FAAP100: variants seen among roughly 807,000 people sequenced by gnomAD.
FAAP100 encodes the protein Fanconi anemia core complex-associated protein 100.
Under a neutral mutation model 65.8 loss-of-function variants are expected in FAAP100, and 46 were observed. The ratio of observed to expected loss-of-function variants is 0.70; its 90% confidence interval spans 0.55 to 0.89. The LOEUF (loss-of-function observed/expected upper bound fraction) is 0.89, where lower values mean the gene tolerates loss of function less well. Ranked by LOEUF, FAAP100 falls within the 40% of genes least tolerant of loss-of-function variation. The pLI is 0.00. For missense variants in FAAP100, 1,165 were observed against 1,196.7 expected, an observed-to-expected ratio of 0.97 and a Z score of 0.39; for synonymous variants, 663 against 555.1, an observed-to-expected ratio of 1.19 and a Z score of -2.73.
At position 81,544,056 on chromosome 17, in the gene FAAP100, G is replaced by A; in HGVS notation, c.2375C>T (p.Ser792Phe). 1 of 1,612,718 alleles carries A rather than the reference G, an allele frequency of 6.2e-7. No homozygotes were observed. Among genetic ancestry groups the A allele is most frequent in the Non-Finnish European group, 8.5e-7 (1 of 1,179,844 alleles). Residue 792 changes from serine to phenylalanine, a missense_variant, in exon 7 of 9, where the codon TCC (serine) becomes TTC (phenylalanine). By Grantham distance (155) the Ser-to-Phe change is radical. Transcript: ENST00000327787. The stretch of plus-strand genomic sequence containing the variant: ...CGCCCTGCAAATGTCGGCCAGAGAG[G>A]AGCTTTCCACTTGAATCTCCACGGC... ...IQAVEIQVES[S>F]SLADICRAHH...
chr17:81,550,785 G>A lies in FAAP100; in HGVS notation c.709C>T (p.Gln237Ter). The change falls in exon 3 of 9, where the codon CAG (glutamine) becomes TAG (stop). Residue 237 changes from glutamine to a stop codon, truncating the protein, a stop_gained. Transcript: ENST00000327787. LOFTEE classifies it high-confidence loss of function. ...AGACCACAGAGGACCACAGGTGACT[G>A]CAGGAGGGTGGCATCAGCTCCAAAG... ...LLFGADATLLQSPVVLCGLPD... is the reference protein window; with the variant it reads ...LLFGADATLL 1 of 1,612,766 alleles carries A rather than the reference G, an allele frequency of 6.2e-7. No individual in the cohort carries two copies. The highest frequency in any genetic ancestry group is 8.5e-7 in the Non-Finnish European group (1 of 1,179,874).
At position 81,550,539 on chromosome 17, in the gene FAAP100, C is replaced by A; in HGVS notation, c.955G>T (p.Gly319Cys). Reference sequence around the variant, plus strand: ...CTGGCCTTGATGGCCAGCATCCGGCCGTGGTGACCAAAGGCCACCAGGCAG... The same window carrying A: ...CTGGCCTTGATGGCCAGCATCCGGCAGTGGTGACCAAAGGCCACCAGGCAG... ...CDCLVAFGHHGRMLAIKASWD... is the reference protein window; with the variant it reads ...CDCLVAFGHHCRMLAIKASWD... Residue 319 changes from glycine (G) to cysteine (C), a missense_variant, in exon 3 of 9, where the codon GGC becomes TGC. Gly to Cys is a radical substitution (Grantham distance 159, BLOSUM62 -3). Transcript: ENST00000327787. 1.9e-6 allele frequency: 3 copies of A among 1,612,890 alleles called. No individual in the cohort carries two copies. The highest frequency in any genetic ancestry group is 1.7e-6 in the Non-Finnish European group (2 of 1,180,028).
chr17:81,552,415 C>A (rs2033532304), upstream of FAAP100: 9 of 1,197,404 alleles, frequency 7.5e-6, no homozygotes, highest in Non-Finnish European at 9.5e-6. Context: ...GCCCGCTGTG[C>A]GGCGCGACCT....
chr17:81,552,108 T>C (rs958526473), intron 1 of FAAP100, 56 bp from the exon 2 acceptor site: 367 of 1,462,180 alleles, frequency 2.5e-4, no homozygotes, highest in Middle Eastern at 3.6e-4. Flanking sequence ...CGGTCTTCAT[T>C]TTCACGCGAA....
chr17:81,547,489 G>C lies in FAAP100; in HGVS notation c.1593C>G (p.Asn531Lys). The stretch of plus-strand genomic sequence containing the variant: ...CCTGGTCCAGGCTGAAGCTGCTGCT[G>C]TTCTCTAGCACGCAGGTGGCCATGA... The part of the protein sequence containing the change: ...DVLMATCVLE[N>K]SSSFSLDQGW... Residue 531 changes from asparagine (N) to lysine (K), a missense_variant, in exon 5 of 9, where the codon AAC becomes AAG. Physicochemically the swap from Asn to Lys is moderately conservative, Grantham distance 94 (BLOSUM62 0). Coordinates refer to ENST00000327787, the MANE Select transcript of FAAP100 (RefSeq NM_025161.6). 6.2e-7 allele frequency: 1 copy of C among 1,613,406 alleles called. No homozygotes were observed. The highest frequency in any genetic ancestry group is 8.5e-7 in the Non-Finnish European group (1 of 1,180,034).
chr17:81,544,702 A>G lies in FAAP100; in HGVS notation c.2311-582T>C, dbSNP rs971261739. 2.0e-5 allele frequency among the ~76,000 whole-genome samples: 3 copies of G among 152,194 alleles called. No homozygotes were observed. In the East Asian group the frequency reaches 5.8e-4, roughly 29 times the overall value. ...CGGGCTTATTCTGCACACACAGCAC[A>G]AGAGGTGAGACGCCAGGGGCCTGGG... On this transcript the variant is annotated intron_variant, in intron 6 of 8. Transcript: ENST00000327787.
In FAAP100 at chr17:81,551,008, C is replaced by A; in HGVS notation, c.486G>T (p.Glu162Asp). Residue 162 changes from glutamate to aspartate, a missense_variant, in exon 3 of 9, where the codon GAG becomes GAT. By Grantham distance (45) the Glu-to-Asp change is conservative. Transcript: ENST00000327787. ...MQLFEQPCPG[E>D]DPRPGGQIGE... ...CGATCTGGCCTCCTGGCCGGGGGTC[C>A]TCCCCAGGACAGGGCTGCTCAAACA... 1 of 1,611,604 alleles carries A rather than the reference C, an allele frequency of 6.2e-7. No homozygotes were observed. Among genetic ancestry groups the A allele is most frequent in the South Asian group, 1.1e-5 (1 of 90,788 alleles).
rs1465864872 is a variant in FAAP100 at position 81,549,186 on chromosome 17, G to A, written c.1403+20C>T. On this transcript the variant is annotated intron_variant, in intron 4 of 8. Coordinates refer to ENST00000327787, the MANE Select transcript of FAAP100 (RefSeq NM_025161.6). Reference sequence around the variant, plus strand: ...GGATGGCAGCGCCAGCCTCTACCCGGTCCGAGCTGAGCTGCTCACCTCTCA... The same window carrying A: ...GGATGGCAGCGCCAGCCTCTACCCGATCCGAGCTGAGCTGCTCACCTCTCA... 1 of 1,609,878 alleles carries A rather than the reference G, an allele frequency of 6.2e-7. No individual in the cohort carries two copies. Among genetic ancestry groups the A allele is most frequent in the Non-Finnish European group, 8.5e-7 (1 of 1,179,610 alleles).
chr17:81,540,787 C>T lies in FAAP100; in HGVS notation c.*32G>A, dbSNP rs1046969247. The T allele has an allele frequency of 3.0e-5, 45 of 1,483,624 alleles. No individual in the cohort carries two copies. In the African/African-American group the frequency reaches 4.3e-4, roughly 14 times the overall value. 91.9% of individuals were successfully genotyped at this position (1,483,624 alleles called of 1,614,324 possible). On this transcript the variant is annotated 3_prime_UTR_variant, in exon 9 of 9. Transcript: ENST00000327787. ...GGGGGGCTGTGACAGAGGCTGGAAGCGTGGCCAGAGCCCAGGGGCAGGCCC... is the reference window on the plus strand; with the variant it reads ...GGGGGGCTGTGACAGAGGCTGGAAGTGTGGCCAGAGCCCAGGGGCAGGCCC...
chr17:81,542,200 AATATATATATATATATAT>A (rs760595551), intron 7 of FAAP100, among the ~76,000 whole-genome samples: 35 of 27,240 alleles, frequency 1.3e-3, no homozygotes, highest in Non-Finnish European at 1.7e-3. Flanking sequence ...AAAAAAAAAA[AATATATATATATATATAT>A]ATATATATAT....
At chr17:81,544,902 C>T (rs58478358) in intron 6 of FAAP100, among the ~76,000 whole-genome samples, 6,701 of 152,250 alleles carry the variant, frequency 0.044, 304 homozygotes, top group African/African-American at 0.12. Flanking sequence ...GGCACAGTGG[C>T]TCACGCCTGT....
chr17:81,546,855 TAAAAA>T, intron 5 of FAAP100, 49 bp downstream of exon 5: 6 of 1,211,654 alleles, frequency 5.0e-6, no homozygotes, highest in Admixed American at 3.7e-5. Flanking sequence ...TCCTGTCTCT[TAAAAA>T]AAAAAAAAAA....
intron 7 of FAAP100, 55 bp downstream of exon 7, chr17:81,543,949 G>C: frequency 3.3e-6 from 5 of 1,507,950 alleles, no homozygotes; most frequent in Non-Finnish European, 3.7e-6. Flanking sequence ...CCCATGCAGG[G>C]ACCTTAGTGA....
rs771252816 is a variant in FAAP100 at position 81,552,062 on chromosome 17, G to C, written c.166-10C>G. 3.3e-6 allele frequency: 5 copies of C among 1,502,436 alleles called. No individual in the cohort carries two copies. The highest frequency in any genetic ancestry group is 4.4e-6 in the Non-Finnish European group (5 of 1,136,244). The allele number at this position is 1,502,436 out of a possible 1,614,324, so 93.1% of individuals were successfully genotyped here. Reference sequence around the variant, plus strand: ...GGAACCGGAACGCCGCCTGCGGACCGGGGCGCGGGTCAGGCCGACGCGACG... The same window carrying C: ...GGAACCGGAACGCCGCCTGCGGACCCGGGCGCGGGTCAGGCCGACGCGACG... On this transcript the variant is annotated splice_polypyrimidine_tract_variant and intron_variant, in intron 1 of 8. Coordinates refer to ENST00000327787, the MANE Select transcript of FAAP100 (RefSeq NM_025161.6).
intron 7 of FAAP100, among the ~76,000 whole-genome samples, chr17:81,542,432 C>T (rs182585401): frequency 6.6e-6 from 1 of 152,138 alleles, no homozygotes; most frequent in South Asian, 2.1e-4. Flanking sequence ...GGCAGTGAGG[C>T]TCCTGCAGGC....
chr17:81,540,651 C>T lies in FAAP100; in HGVS notation c.*168G>A. ...TCCCAATCAGAATCTGCTTTGTGCT[C>T]CACGGCCTCCAAGCACTTTCATGAG... On this transcript the variant is annotated 3_prime_UTR_variant, in exon 9 of 9. Coordinates refer to ENST00000327787, the MANE Select transcript of FAAP100 (RefSeq NM_025161.6). The T allele has an allele frequency of 1.1e-6, 1 of 935,824 alleles. No homozygotes were observed. Among genetic ancestry groups the T allele is most frequent in the Non-Finnish European group, 1.5e-6 (1 of 676,762 alleles). 58.0% of individuals were successfully genotyped at this position (935,824 alleles called of 1,614,324 possible).
chr17:81,545,244 C>A (rs1258835091), intron 6 of FAAP100, among the ~76,000 whole-genome samples: 4 of 152,254 alleles, frequency 2.6e-5, no homozygotes, highest in Non-Finnish European at 5.9e-5. Flanking sequence ...CGTGTCCTGG[C>A]AGCCTGGGCT....
At position 81,545,893 on chromosome 17, in the gene FAAP100, G is replaced by A. The variant is rs1304980374; in HGVS notation, c.2174-11C>T. 4.4e-6 allele frequency: 7 copies of A among 1,601,430 alleles called. No homozygotes were observed. Among genetic ancestry groups the A allele is most frequent in the Middle Eastern group, 1.7e-4 (1 of 6,034 alleles). On this transcript the variant is annotated splice_polypyrimidine_tract_variant and intron_variant, in intron 5 of 8. Transcript: ENST00000327787. ...AGCACAGGGGCACGCCTGGAGGGGAGGCATCAGCCGAGAGCTCAGCCTGAT... is the reference window on the plus strand; with the variant it reads ...AGCACAGGGGCACGCCTGGAGGGGAAGCATCAGCCGAGAGCTCAGCCTGAT...
chr17:81,547,958 C>T, intron 4 of FAAP100: 1 of 703,704 alleles, frequency 1.4e-6, no homozygotes, highest in Non-Finnish European at 2.6e-6. Flanking sequence ...GCTCCGGGGA[C>T]CTAGGCTAAT....
Sources: gnomAD v4.1 joint callset for allele counts (sites outside exome capture counted in the v4.1 genomes callset) on GRCh38, gnomAD v4.1.1 for gene constraint, MANE v1.5 for transcripts, NCBI Gene and HGNC (gene_info 2026-07-23, HGNC 2026-07-21) for gene names.